SLC32A1: variants seen among roughly 807,000 people sequenced by gnomAD.
SLC32A1 encodes solute carrier family 32 member 1, also known as vesicular inhibitory amino acid transporter.
Under a neutral mutation model 35.5 loss-of-function variants are expected in SLC32A1, and 8 were observed. The ratio of observed to expected loss-of-function variants is 0.23; its 90% CI spans 0.13 to 0.41. The LOEUF is 0.41. SLC32A1 is among the 10% of genes least tolerant of loss of function. The probability of loss-of-function intolerance (pLI) is 1.00; values close to 1 mark genes in which losing one functional copy is unlikely to be tolerated. For missense variants in SLC32A1, 493 were observed against 722.3 expected (o/e 0.68, Z 3.64); for synonymous variants, 317 against 326.3 (o/e 0.97, Z 0.31).
At position 38,728,768 on chromosome 20, in the gene SLC32A1, T is replaced by G. The variant is rs2084288525; in HGVS notation, c.*129T>G. The G allele has an allele frequency of 1.4e-6, 1 of 720,584 alleles. No individual in the cohort carries two copies. The highest frequency in any genetic ancestry group is 2.2e-6 in the Non-Finnish European group (1 of 449,666). 44.6% of individuals were successfully genotyped at this position (720,584 alleles called of 1,614,324 possible). On this transcript the variant is annotated 3_prime_UTR_variant, in exon 2 of 2. Coordinates refer to ENST00000217420, the MANE Select transcript of SLC32A1 (RefSeq NM_080552.3). ...GCTTTAAACATCTCTGGTTCCTAGT[T>G]TCTGATTATTCGGGGATGGGGGGGA... is the stretch of plus-strand genomic sequence containing the variant.
At chr20:38,727,390 G>T in intron 1 of SLC32A1, 62 bp from the exon 2 acceptor site, 1 of 1,507,944 alleles carries the variant, frequency 6.6e-7, no homozygotes, top group Admixed American at 1.7e-5. Context: ...ACGCCCCCCG[G>T]GCCCCTCATC....
At chr20:38,725,164 C>T (rs1230528402) in intron 1 of SLC32A1, 50 bp downstream of exon 1, 4 of 1,497,898 alleles carry the variant, frequency 2.7e-6, no homozygotes, top group African/African-American at 2.8e-5. Context: ...CCCAGCTCAG[C>T]GTGCCGGGCT....
chr20:38,724,706 C>A lies in SLC32A1; in HGVS notation c.-19C>A. 6.3e-7 allele frequency: 1 copy of A among 1,584,214 alleles called. No homozygotes were observed. The highest frequency in any genetic ancestry group is 1.2e-5 in the South Asian group (1 of 85,806). ...CATCCTCGGGTCCTTCTGTCCTTTC[C>A]GCTGTCCCCACCGCCGCCATGGCCA... On this transcript the variant is annotated 5_prime_UTR_variant, in exon 1 of 2. Transcript: ENST00000217420.
At position 38,727,648 on chromosome 20, in the gene SLC32A1, C is replaced by T. The variant is rs772357025; in HGVS notation, c.587C>T (p.Pro196Leu). 1.9e-6 allele frequency: 3 copies of T among 1,614,132 alleles called. No individual in the cohort carries two copies. The highest frequency in any genetic ancestry group is 2.5e-6 in the Non-Finnish European group (3 of 1,180,044). ...YVAIANACCA[P>L]RFPTLGGRVV... is the part of the protein sequence containing the mutation. ...GCCATAGCCAACGCCTGCTGCGCCC[C>T]GCGCTTCCCAACGCTGGGCGGCCGA... Residue 196 changes from proline (P) to leucine (L), a missense_variant, in exon 2 of 2, where the codon CCG becomes CTG. Coordinates refer to ENST00000217420, the MANE Select transcript of SLC32A1 (RefSeq NM_080552.3).
At chr20:38,725,652 T>C (rs534869122) in intron 1 of SLC32A1, among the ~76,000 whole-genome samples, 30 of 152,180 alleles carry the variant, frequency 2.0e-4, no homozygotes, top group African/African-American at 7.2e-4. Context: ...CATGTATCTA[T>C]ATATAGACCA....
chr20:38,727,640 C>T lies in SLC32A1; in HGVS notation c.579C>T (p.Cys193=), dbSNP rs1458100692. Residue 193 remains cysteine, a synonymous_variant, in exon 2 of 2, where the codon TGC becomes TGT. Transcript: ENST00000217420. The part of the protein sequence containing the change: ...RDSYVAIANA[C]CAPRFPTLGG... ...CGTACGTGGCCATAGCCAACGCCTG[C>T]TGCGCCCCGCGCTTCCCAACGCTGG... The T allele has an allele frequency of 1.4e-5, 23 of 1,613,936 alleles. No homozygotes were observed. The highest frequency in any genetic ancestry group is 1.9e-5 in the Non-Finnish European group (22 of 1,180,060).
At chr20:38,727,111 A>C (rs2084279101) in intron 1 of SLC32A1, among the ~76,000 whole-genome samples, 1 of 151,948 alleles carries the variant, frequency 6.6e-6, no homozygotes, top group Admixed American at 6.6e-5. Flanking sequence ...CCCAGAAACC[A>C]TCCCGAAGTA....
At position 38,724,650 on chromosome 20, in the gene SLC32A1, C is replaced by T; in HGVS notation, c.-75C>T. ...GCGGAGATAGCGACTTTGCGCCCCCCAGCCCTCGCCTTCTTGCATCGCGTT... is the reference window on the plus strand; with the variant it reads ...GCGGAGATAGCGACTTTGCGCCCCCTAGCCCTCGCCTTCTTGCATCGCGTT... On this transcript the variant is annotated 5_prime_UTR_variant, in exon 1 of 2. Coordinates refer to ENST00000217420, the MANE Select transcript of SLC32A1 (RefSeq NM_080552.3). 8 of 1,516,860 alleles carry T rather than the reference C, an allele frequency of 5.3e-6. No homozygotes were observed. Among genetic ancestry groups the T allele is most frequent in the Non-Finnish European group, 7.0e-6 (8 of 1,136,184 alleles). 94.0% of individuals were successfully genotyped at this position (1,516,860 alleles called of 1,614,324 possible).
At position 38,724,637 on chromosome 20, in the gene SLC32A1, A is replaced by G; in HGVS notation, c.-88A>G. On this transcript the variant is annotated 5_prime_UTR_variant, in exon 1 of 2. Transcript: ENST00000217420. The stretch of plus-strand genomic sequence containing the variant: ...GCGCGGAGAGCAAGCGGAGATAGCG[A>G]CTTTGCGCCCCCCAGCCCTCGCCTT... The G allele has an allele frequency of 6.7e-7, 1 of 1,484,804 alleles. No homozygotes were observed. Among genetic ancestry groups the G allele is most frequent in the Non-Finnish European group, 8.9e-7 (1 of 1,117,690 alleles). 92.0% of individuals were successfully genotyped at this position (1,484,804 alleles called of 1,614,324 possible).
rs1277276213 is a variant in SLC32A1 at position 38,728,899 on chromosome 20, G to C, written c.*260G>C. 2.0e-6 allele frequency: 1 copy of C among 491,262 alleles called. No homozygotes were observed. Among genetic ancestry groups the C allele is most frequent in the African/African-American group, 2.0e-5 (1 of 51,272 alleles). The allele number at this position is 491,262 out of a possible 1,614,324, so 30.4% of individuals were successfully genotyped here. A position where few individuals can be genotyped will look rare whatever the true frequency, so the allele number is the denominator to read the frequency against. ...GGAGGCGGGGTGCATTTGCGGGCAG[G>C]GTTCTCTGTCCTTCCAAGTGGGGCC... On this transcript the variant is annotated 3_prime_UTR_variant, in exon 2 of 2. Transcript: ENST00000217420.
At position 38,728,458 on chromosome 20, in the gene SLC32A1, C is replaced by G; in HGVS notation, c.1397C>G (p.Ala466Gly). ...GGCCTCACCGGCAGCCTCACGGGCG[C>G]CGGCCTCTGTTTCTTGCTGCCCAGC... ...LMGLTGSLTGAGLCFLLPSLF... is the reference protein window; with the variant it reads ...LMGLTGSLTGGGLCFLLPSLF... Residue 466 changes from alanine to glycine, a missense_variant, in exon 2 of 2, where the codon GCC becomes GGC. Coordinates refer to ENST00000217420, the MANE Select transcript of SLC32A1 (RefSeq NM_080552.3). 1 of 1,612,526 alleles carries G rather than the reference C, an allele frequency of 6.2e-7. No homozygotes were observed. Among genetic ancestry groups the G allele is most frequent in the Non-Finnish European group, 8.5e-7 (1 of 1,179,736 alleles).
rs2084276425 is a variant in SLC32A1, at chr20:38,726,431, G to T, written c.391-1021G>T. ...TGCTCCCGCCTTCGCTGTGCCCCGCGACTTCCCGGGGCGTCTTTCAAGGCT... is the reference window on the plus strand; with the variant it reads ...TGCTCCCGCCTTCGCTGTGCCCCGCTACTTCCCGGGGCGTCTTTCAAGGCT... On this transcript the variant is annotated intron_variant, in intron 1 of 1. Transcript: ENST00000217420. This position sits in a 1 kb window ranked among gnomAD's most constrained non-coding sequence, Gnocchi z 4.7. 3.3e-5 allele frequency among the ~76,000 whole-genome samples: 5 copies of T among 152,292 alleles called. No homozygotes were observed. The South Asian group carries it at 1.0e-3, about 32-fold the overall frequency.
In SLC32A1 at chr20:38,726,829, T is replaced by C. The variant is rs1025441740; in HGVS notation, c.391-623T>C. Reference sequence around the variant, plus strand: ...GTCTCTGTTCTTGCCTCCCAGGGGCTTTGCCCCACCTTCAGCCCCTCTCCC... The same window carrying C: ...GTCTCTGTTCTTGCCTCCCAGGGGCCTTGCCCCACCTTCAGCCCCTCTCCC... On this transcript the variant is annotated intron_variant, in intron 1 of 1. Transcript: ENST00000217420. The surrounding 1 kb of genome is among the most constrained non-coding windows in gnomAD (Gnocchi z 4.7). Among the ~76,000 whole-genome samples, 3 of 152,172 alleles carry C rather than the reference T, an allele frequency of 2.0e-5. No individual in the cohort carries two copies. Among genetic ancestry groups the C allele is most frequent in the African/African-American group, 7.2e-5 (3 of 41,448 alleles).
chr20:38,724,941 G>C lies in SLC32A1; in HGVS notation c.217G>C (p.Glu73Gln), dbSNP rs775782051. 8.7e-6 allele frequency: 14 copies of C among 1,610,280 alleles called. No individual in the cohort carries two copies. The highest frequency in any genetic ancestry group is 1.3e-5 in the African/African-American group (1 of 74,818). Residue 73 changes from glutamate to glutamine, a missense_variant, in exon 1 of 2, where the codon GAG becomes CAG. This residue lies in a region of SLC32A1 where 133 missense variants were observed against 145.9 expected (regional missense o/e 0.91). Coordinates refer to ENST00000217420, the MANE Select transcript of SLC32A1 (RefSeq NM_080552.3). ...AGCCGAGGGAGAGCCCTGCGGGGAC[G>C]AGGGCGCTGAAGCGCCCGTCGAGGG... Reference protein sequence around the residue: ...LKAEGEPCGDEGAEAPVEGDI... With the variant: ...LKAEGEPCGDQGAEAPVEGDI...
chr20:38,728,081 G>C lies in SLC32A1; in HGVS notation c.1020G>C (p.Met340Ile), dbSNP rs1234326457. The change falls in exon 2 of 2, where the codon ATG becomes ATC. Residue 340 changes from methionine to isoleucine, a missense_variant. Physicochemically the swap from Met to Ile is conservative, Grantham distance 10 (BLOSUM62 1). This residue lies in a region of SLC32A1 where 269 missense variants were observed against 445.6 expected (regional missense o/e 0.60). Transcript: ENST00000217420. ...AGCCCAGCGAGTTCCACTGCATGAT[G>C]AACTGGACGCACATCGCAGCCTGCG... ...MQQPSEFHCM[M>I]NWTHIAACVL... is the part of the protein sequence containing the mutation. 1 of 1,614,036 alleles carries C rather than the reference G, an allele frequency of 6.2e-7. No homozygotes were observed. The highest frequency in any genetic ancestry group is 8.5e-7 in the Non-Finnish European group (1 of 1,180,048).
rs1447344971 is a variant in SLC32A1, at chr20:38,726,293, TG to T, written c.391-1158del. Reference sequence around the variant, plus strand: ...CAGAGGCCTCCCAGGGGTTGTTCCATGTATCGGGGTAAGCAGGACTCCACCG... The same window carrying T: ...CAGAGGCCTCCCAGGGGTTGTTCCATTATCGGGGTAAGCAGGACTCCACCG... On this transcript the variant is annotated intron_variant, in intron 1 of 1. Transcript: ENST00000217420. This position sits in a 1 kb window ranked among gnomAD's most constrained non-coding sequence, Gnocchi z 4.7. 2.0e-5 allele frequency among the ~76,000 whole-genome samples: 3 copies of T among 151,866 alleles called. No individual in the cohort carries two copies. The highest frequency in any genetic ancestry group is 2.9e-5 in the Non-Finnish European group (2 of 67,938).
In SLC32A1 at chr20:38,724,970, C is replaced by T. The variant is rs765595910; in HGVS notation, c.246C>T (p.Asp82=). The T allele has an allele frequency of 6.3e-7, 1 of 1,599,878 alleles. No individual in the cohort carries two copies. Among genetic ancestry groups the T allele is most frequent in the Non-Finnish European group, 8.5e-7 (1 of 1,172,410 alleles). The part of the protein sequence containing the change: ...DEGAEAPVEG[D]IHYQRGSGAP... ...GCGCTGAAGCGCCCGTCGAGGGAGA[C>T]ATCCATTATCAGCGAGGCAGCGGAG... Residue 82 remains aspartate, a synonymous_variant, in exon 1 of 2, where the codon GAC becomes GAT. Coordinates refer to ENST00000217420, the MANE Select transcript of SLC32A1 (RefSeq NM_080552.3).
rs34517228 is a variant in SLC32A1, at chr20:38,728,328, A to G, written c.1267A>G (p.Ser423Gly). The change falls in exon 2 of 2, where the codon AGC becomes GGC. Residue 423 changes from serine (S) to glycine (G), a missense_variant. Coordinates refer to ENST00000217420, the MANE Select transcript of SLC32A1 (RefSeq NM_080552.3). ...GSRAFFPACY[S>G]GDGRLKSWGL... ...CCGCGCCTTTTTCCCGGCCTGCTAC[A>G]GCGGCGACGGGCGCCTGAAGTCCTG... 2.6e-3 allele frequency: 4,132 copies of G among 1,613,380 alleles called. 108 individuals carry two copies. The African/African-American group carries it at 0.048, about 19-fold the overall frequency.
chr20:38,726,690 C>T lies in SLC32A1; in HGVS notation c.391-762C>T, dbSNP rs1272865333. The stretch of plus-strand genomic sequence containing the variant: ...TTGCCTCCCCAGCCTCCACTTAGTC[C>T]CCTTCCTTAGGTCTCGCCCTCGCCT... On this transcript the variant is annotated intron_variant, in intron 1 of 1. Transcript: ENST00000217420. The surrounding 1 kb of genome is among the most constrained non-coding windows in gnomAD (Gnocchi z 4.7). 6.6e-6 allele frequency among the ~76,000 whole-genome samples: 1 copy of T among 152,144 alleles called. No homozygotes were observed. Among genetic ancestry groups the T allele is most frequent in the Non-Finnish European group, 1.5e-5 (1 of 68,010 alleles).
Sources: gnomAD v4.1 joint callset for allele counts (sites outside exome capture counted in the v4.1 genomes callset) on GRCh38, gnomAD v4.1.1 for gene constraint, gnomAD v4.1.1 regional missense constraint, Gnocchi (gnomAD v3.1) non-coding constraint, MANE v1.5 for transcripts, NCBI Gene and HGNC (gene_info 2026-07-23, HGNC 2026-07-21) for gene names.